Variants in IGBP1C observed in about 807,000 individuals in gnomAD.
IGBP1C encodes immunoglobulin-binding protein 1 family member C.
the IGBP1C span, among the ~76,000 whole-genome samples, chr17:58,682,224 G>C: frequency 6.6e-6 from 1 of 151,376 alleles, no homozygotes; most frequent in African/African-American, 2.4e-5. Context: ...GTTGGGATTA[G>C]AGGCATGGAA....
At chr17:58,673,202 A>G in the IGBP1C span, among the ~76,000 whole-genome samples, 1 of 151,058 alleles carries the variant, frequency 6.6e-6, no homozygotes, top group African/African-American at 2.4e-5. Flanking sequence ...ATTGTAGGGC[A>G]GGGCGCGGTA....
chr17:58,666,830 C>A, the IGBP1C span: 7 of 152,140 alleles, frequency 4.6e-5, no homozygotes, highest in South Asian at 4.1e-4. Flanking sequence ...TATACTATAT[C>A]TTGGTGTTGG....
chr17:58,683,628 T>C, the IGBP1C span, among the ~76,000 whole-genome samples: 8 of 151,612 alleles, frequency 5.3e-5, no homozygotes, highest in South Asian at 1.7e-3. Flanking sequence ...CCAGGCATAG[T>C]GGCTCACGCC....
chr17:58,673,483 AAAAATAAAT>A, the IGBP1C span, among the ~76,000 whole-genome samples: 197 of 123,402 alleles, frequency 1.6e-3, 1 homozygote, highest in African/African-American at 5.8e-3. Flanking sequence ...ACTCCATCTC[AAAAATAAAT>A]AAATAAATAA....
At chr17:58,672,307 A>G in the IGBP1C span, among the ~76,000 whole-genome samples, 3 of 152,226 alleles carry the variant, frequency 2.0e-5, no homozygotes, top group South Asian at 6.2e-4. Context: ...CCTAGAGCCA[A>G]TCAACAGTCA....
the IGBP1C span, among the ~76,000 whole-genome samples, chr17:58,668,355 C>T: frequency 1.3e-5 from 2 of 152,272 alleles, no homozygotes; most frequent in Non-Finnish European, 2.9e-5. Context: ...AAAAGTGCAC[C>T]TCTCCCAGCT....
At chr17:58,661,164 C>A in the IGBP1C span, 1 of 814,716 alleles carries the variant, frequency 1.2e-6, no homozygotes, top group Non-Finnish European at 2.2e-6. Context: ...CTAGGATAAG[C>A]CGTGGAGGTA....
the IGBP1C span, among the ~76,000 whole-genome samples, chr17:58,663,819 T>A: frequency 6.6e-6 from 1 of 152,104 alleles, no homozygotes; most frequent in African/African-American, 2.4e-5. Context: ...ATCCATTCAC[T>A]CCTGAAACAC....
the IGBP1C span, among the ~76,000 whole-genome samples, chr17:58,685,435 C>CA: frequency 0.017 from 1,318 of 78,542 alleles, 20 homozygotes; most frequent in African/African-American, 0.05. Flanking sequence ...GACTCGGTGT[C>CA]AAAAAAAAAA....
At chr17:58,676,406 C>CA in the IGBP1C span, among the ~76,000 whole-genome samples, 2 of 148,398 alleles carry the variant, frequency 1.3e-5, no homozygotes, top group African/African-American at 5.0e-5. Flanking sequence ...AAAAAAAACA[C>CA]AAAAAAACCC....
chr17:58,680,583 A>C, the IGBP1C span, among the ~76,000 whole-genome samples: 1 of 151,898 alleles, frequency 6.6e-6, no homozygotes, highest in African/African-American at 2.4e-5. Context: ...CTCTAATAAA[A>C]ATACAAAAAT....
the IGBP1C span, among the ~76,000 whole-genome samples, chr17:58,689,174 C>T: frequency 6.6e-6 from 1 of 152,018 alleles, no homozygotes; most frequent in South Asian, 2.1e-4. Flanking sequence ...GTGATCCGCC[C>T]ACCTCGGCCT....
chr17:58,671,417 G>C, the IGBP1C span, among the ~76,000 whole-genome samples: 1 of 152,122 alleles, frequency 6.6e-6, no homozygotes, highest in Non-Finnish European at 1.5e-5. Flanking sequence ...CCCATTCTCA[G>C]GCTGAGGCTG....
At chr17:58,670,038 G>A in the IGBP1C span, among the ~76,000 whole-genome samples, 1 of 152,136 alleles carries the variant, frequency 6.6e-6, no homozygotes, top group Non-Finnish European at 1.5e-5. Flanking sequence ...CCTCTTTCCA[G>A]CCTCAGAGCC....
At chr17:58,660,441 AT>A in the IGBP1C span, 1 of 506,072 alleles carries the variant, frequency 2.0e-6, no homozygotes, top group East Asian at 3.1e-5. Context: ...TTAACACTTT[AT>A]TGAACTCAAA....
the IGBP1C span, among the ~76,000 whole-genome samples, chr17:58,676,955 A>G: frequency 3.3e-5 from 5 of 151,930 alleles, no homozygotes; most frequent in Admixed American, 2.0e-4. Flanking sequence ...CGTCTCTACT[A>G]AAAAATACAA....
the IGBP1C span, among the ~76,000 whole-genome samples, chr17:58,690,782 C>A: frequency 6.6e-6 from 1 of 152,170 alleles, no homozygotes; most frequent in Non-Finnish European, 1.5e-5. Flanking sequence ...CGTATTCTCC[C>A]CGCCAGTAGG....
At chr17:58,683,137 C>T in the IGBP1C span, among the ~76,000 whole-genome samples, 1 of 151,026 alleles carries the variant, frequency 6.6e-6, no homozygotes, top group East Asian at 2.0e-4. Context: ...GTTTGGGAGG[C>T]TGAGGCGGGT....
chr17:58,674,534 G>A, the IGBP1C span, among the ~76,000 whole-genome samples: 1 of 151,520 alleles, frequency 6.6e-6, no homozygotes, highest in Non-Finnish European at 1.5e-5. Context: ...GCTGAGCATG[G>A]TGGCTCAGGC....
Sources: gnomAD v4.1 joint callset for allele counts (sites outside exome capture counted in the v4.1 genomes callset) on GRCh38, gnomAD v4.1.1 for gene constraint, MANE v1.5 for transcripts, NCBI Gene and HGNC (gene_info 2026-07-23, HGNC 2026-07-21) for gene names.